Variants in GNG7 observed in about 807,000 individuals in gnomAD.
GNG7 encodes the protein guanine nucleotide-binding protein G(I)/G(S)/G(O) subunit gamma-7.
A neutral mutation model predicts 4.0 loss-of-function variants in GNG7; 1 was observed. The ratio of observed to expected loss-of-function variants is 0.25; its 90% confidence interval spans 0.09 to 1.18. GNG7 has a LOEUF of 1.18. Ranked by LOEUF, GNG7 falls within the 50% of genes most tolerant of loss-of-function variation. The probability of loss-of-function intolerance (pLI) is 0.50; values close to 1 mark genes in which losing one functional copy is unlikely to be tolerated. For missense variants in GNG7, 86 were observed against 91.9 expected, an observed-to-expected ratio of 0.94 and a Z score of 0.26; for synonymous variants, 34 against 36.9, an observed-to-expected ratio of 0.92 and a Z score of 0.29.
chr19:2,547,121 G>A (rs753522889), intron 3 of GNG7, among the ~76,000 whole-genome samples: 104 of 148,744 alleles, frequency 7.0e-4, no homozygotes, highest in Non-Finnish European at 1.2e-3. Context: ...CCCCACCGAT[G>A]TCATCCCCTC....
At chr19:2,587,321 C>T (rs1015925326) in intron 2 of GNG7, among the ~76,000 whole-genome samples, 3 of 152,176 alleles carry the variant, frequency 2.0e-5, no homozygotes, top group Admixed American at 2.0e-4. Context: ...ACCTCACCTG[C>T]GTACCCTGCG....
intron 1 of GNG7, among the ~76,000 whole-genome samples, chr19:2,654,582 C>T (rs1427648800): frequency 6.6e-6 from 1 of 151,326 alleles, no homozygotes; most frequent in Non-Finnish European, 1.5e-5. Context: ...CCATGATCCT[C>T]CCCCTTGCTG....
Position 2,633,352 on chromosome 19 carries a change from C to T in GNG7, c.-78+12872G>A, listed in dbSNP as rs1200603723. ...GCATCTCATCATATGCGACTGTCAC[C>T]GCCGTGTGTATTTTGAGTCAAAGGC... On this transcript the variant is annotated intron_variant, in intron 2 of 4. Transcript: ENST00000382159. The surrounding 1 kb of genome is among the most constrained non-coding windows in gnomAD (Gnocchi z 5.9). 6.6e-6 allele frequency among the ~76,000 whole-genome samples: 1 copy of T among 152,174 alleles called. No individual in the cohort carries two copies. Among genetic ancestry groups the T allele is most frequent in the Non-Finnish European group, 1.5e-5 (1 of 68,030 alleles).
chr19:2,561,263 C>T (rs2144769473), intron 2 of GNG7, among the ~76,000 whole-genome samples: 1 of 152,234 alleles, frequency 6.6e-6, no homozygotes, highest in South Asian at 2.1e-4. Flanking sequence ...TGTCTGGGGA[C>T]ATCTGTGGCT....
intron 3 of GNG7, among the ~76,000 whole-genome samples, chr19:2,544,454 G>A (rs772000705): frequency 3.3e-5 from 5 of 152,136 alleles, no homozygotes; most frequent in Admixed American, 6.6e-5. Flanking sequence ...GCGCGATCTC[G>A]GCTCACTGCA....
chr19:2,682,356 G>T (rs1256236701), intron 1 of GNG7, among the ~76,000 whole-genome samples: 1 of 151,936 alleles, frequency 6.6e-6, no homozygotes, highest in East Asian at 1.9e-4. Flanking sequence ...TGCAGACAGA[G>T]CCATCTCATA....
chr19:2,530,721 A>G (rs571571515), intron 3 of GNG7, among the ~76,000 whole-genome samples: 1 of 152,316 alleles, frequency 6.6e-6, no homozygotes, highest in Admixed American at 6.5e-5. Flanking sequence ...CCCTGTCTCA[A>G]AAAAGAAAGA....
intron 2 of GNG7, among the ~76,000 whole-genome samples, chr19:2,598,677 AAATAATAAT>A (rs56068932): frequency 0.2 from 27,593 of 140,858 alleles, 2,843 homozygotes; most frequent in Middle Eastern, 0.26. Context: ...AAAAGTAATA[AAATAATAAT>A]AATAATAATA....
At chr19:2,610,901 G>C (rs1038028975) in intron 2 of GNG7, 12 of 145,142 alleles carry the variant, frequency 8.3e-5, no homozygotes, top group African/African-American at 3.1e-4. Context: ...TGAGCGTGCA[G>C]ACACCTGTCT....
chr19:2,595,651 C>T (rs966840626), intron 2 of GNG7, among the ~76,000 whole-genome samples: 1 of 150,424 alleles, frequency 6.6e-6, no homozygotes, highest in Non-Finnish European at 1.5e-5. Flanking sequence ...AGGAGAATGG[C>T]GTGAACCCGG....
intron 3 of GNG7, among the ~76,000 whole-genome samples, chr19:2,527,124 G>A (rs925052368): frequency 2.0e-5 from 3 of 152,194 alleles, no homozygotes; most frequent in Non-Finnish European, 4.4e-5. Context: ...GATTACAGGC[G>A]TGAGCCACTG....
At chr19:2,544,990 G>T (rs1979078403) in intron 3 of GNG7, among the ~76,000 whole-genome samples, 1 of 152,156 alleles carries the variant, frequency 6.6e-6, no homozygotes, top group East Asian at 1.9e-4. Flanking sequence ...TGAACCAGGG[G>T]GACCCCCAAC....
chr19:2,515,721 C>A (rs1208423698), intron 4 of GNG7, among the ~76,000 whole-genome samples: 1 of 151,796 alleles, frequency 6.6e-6, no homozygotes, highest in Admixed American at 6.6e-5. Context: ...CCACTGCGCC[C>A]GGCCGTGTGA....
intron 2 of GNG7, among the ~76,000 whole-genome samples, chr19:2,585,913 G>A (rs958666803): frequency 3.3e-5 from 5 of 152,136 alleles, no homozygotes; most frequent in Non-Finnish European, 5.9e-5. Flanking sequence ...TGTTGGCCAG[G>A]ATGGTCTCAC....
intron 2 of GNG7, among the ~76,000 whole-genome samples, chr19:2,573,987 G>C (rs568354699): frequency 1.0e-3 from 155 of 152,342 alleles, no homozygotes; most frequent in African/African-American, 3.6e-3. Flanking sequence ...CAGCTGCTGC[G>C]AGGTACGGCC....
chr19:2,579,074 C>A (rs527846424), intron 2 of GNG7, among the ~76,000 whole-genome samples: 17 of 152,384 alleles, frequency 1.1e-4, no homozygotes, highest in Admixed American at 1.0e-3. Context: ...CATGGCTCGT[C>A]TCCGGCCCTG....
At chr19:2,534,817 C>T (rs1353750484) in intron 3 of GNG7, among the ~76,000 whole-genome samples, 5 of 152,198 alleles carry the variant, frequency 3.3e-5, no homozygotes, top group Admixed American at 6.5e-5. Context: ...AGTCCAAAGG[C>T]TGGAAAAACC....
chr19:2,669,812 C>T (rs1983404601), intron 1 of GNG7, among the ~76,000 whole-genome samples: 1 of 151,920 alleles, frequency 6.6e-6, no homozygotes, highest in Non-Finnish European at 1.5e-5. Context: ...GAGTTTAAGA[C>T]CAGCCTGGCC....
intron 2 of GNG7, among the ~76,000 whole-genome samples, chr19:2,629,847 G>A (rs8101536): frequency 0.22 from 32,930 of 152,130 alleles, 7,085 homozygotes; most frequent in African/African-American, 0.56. Flanking sequence ...GCATGTGTGC[G>A]AAAGGGCACA....
Sources: gnomAD v4.1 joint callset for allele counts (sites outside exome capture counted in the v4.1 genomes callset) on GRCh38, gnomAD v4.1.1 for gene constraint, Gnocchi (gnomAD v3.1) non-coding constraint, MANE v1.5 for transcripts, NCBI Gene and HGNC (gene_info 2026-07-23, HGNC 2026-07-21) for gene names.